Variants in LRP1B observed in about 807,000 individuals in gnomAD.
LRP1B encodes LDL receptor related protein 1B, also known as low-density lipoprotein receptor-related protein 1B.
LRP1B carries 217 observed loss-of-function variants against 556.6 expected under a neutral mutation model. The ratio of observed to expected loss-of-function variants is 0.39; its 90% confidence interval spans 0.35 to 0.44. LRP1B has a LOEUF of 0.44. LRP1B is among the 20% of genes least tolerant of loss of function. LRP1B has a pLI of 1.00. For missense variants in LRP1B, 5,053 were observed against 5,620.8 expected (o/e 0.90, Z 3.23); for synonymous variants, 2,047 against 1,865.8 (o/e 1.10, Z -2.50).
chr2:141,900,506 A>T (rs1453665531), intron 1 of LRP1B, among the ~76,000 whole-genome samples: 1 of 152,008 alleles, frequency 6.6e-6, no homozygotes, highest in African/African-American at 2.4e-5. Flanking sequence ...AAATACTAGT[A>T]ATAATATGGT....
chr2:140,298,012 A>T (rs1447695118), intron 83 of LRP1B, 43 bp from the exon 84 acceptor site: 1 of 1,523,118 alleles, frequency 6.6e-7, no homozygotes, highest in Admixed American at 1.9e-5. Flanking sequence ...TATTCAACCA[A>T]AATAGTTTAT....
At chr2:140,776,012 C>T in intron 33 of LRP1B, 86 bp downstream of exon 33, 2 of 1,133,706 alleles carry the variant, frequency 1.8e-6, no homozygotes, top group Non-Finnish European at 1.2e-6. Context: ...AGAATAGAAA[C>T]CTTTTATTGT....
At chr2:141,808,410 ACT>A (rs997790287) in intron 2 of LRP1B, among the ~76,000 whole-genome samples, 4 of 152,048 alleles carry the variant, frequency 2.6e-5, no homozygotes, top group African/African-American at 9.7e-5. Context: ...TCTAGATACC[ACT>A]TGAAAAGGAG....
At chr2:140,898,101 G>A (rs1422394770) in intron 23 of LRP1B, among the ~76,000 whole-genome samples, 1 of 152,146 alleles carries the variant, frequency 6.6e-6, no homozygotes, top group Non-Finnish European at 1.5e-5. Flanking sequence ...ATGCTGCCCA[G>A]AGAAGTTCAG....
chr2:140,629,780 G>A (rs1401238007), intron 41 of LRP1B, among the ~76,000 whole-genome samples: 1 of 152,168 alleles, frequency 6.6e-6, no homozygotes, highest in Non-Finnish European at 1.5e-5. Flanking sequence ...TCTGGAATGG[G>A]ATTGGCACTT....
intron 11 of LRP1B, among the ~76,000 whole-genome samples, chr2:141,024,877 C>A (rs1698174561): frequency 6.6e-6 from 1 of 151,970 alleles, no homozygotes; most frequent in East Asian, 1.9e-4. Flanking sequence ...GAGAAGAATT[C>A]TGAGTTTAGA....
At chr2:141,381,524 T>A (rs901241541) in intron 3 of LRP1B, among the ~76,000 whole-genome samples, 1 of 151,740 alleles carries the variant, frequency 6.6e-6, no homozygotes, top group African/African-American at 2.4e-5. Context: ...GGGAACAGAA[T>A]GAACATTCAG....
intron 41 of LRP1B, among the ~76,000 whole-genome samples, chr2:140,690,144 C>T (rs1326824597): frequency 1.3e-5 from 2 of 151,724 alleles, no homozygotes; most frequent in Non-Finnish European, 2.9e-5. Context: ...GAAAAAAAAA[C>T]CTTTATCACC....
intron 2 of LRP1B, among the ~76,000 whole-genome samples, chr2:141,746,698 G>T (rs1419423539): frequency 1.3e-5 from 2 of 151,866 alleles, no homozygotes; most frequent in African/African-American, 2.4e-5. Flanking sequence ...TGGTGTTCCT[G>T]TCCAGGGGCA....
At chr2:141,222,976 C>G (rs1251597951) in intron 6 of LRP1B, among the ~76,000 whole-genome samples, 2 of 152,100 alleles carry the variant, frequency 1.3e-5, no homozygotes, top group Non-Finnish European at 2.9e-5. Flanking sequence ...AAAACCAGCA[C>G]AAGACAAGGA....
chr2:141,260,535 G>A (rs570001772), intron 3 of LRP1B, among the ~76,000 whole-genome samples: 1 of 152,102 alleles, frequency 6.6e-6, no homozygotes, highest in South Asian at 2.1e-4. Context: ...TACCAATAGA[G>A]GTCTTTTTTC....
intron 6 of LRP1B, among the ~76,000 whole-genome samples, chr2:141,219,065 G>A: frequency 6.6e-6 from 1 of 152,190 alleles, no homozygotes; most frequent in East Asian, 1.9e-4. Context: ...TCTTTCTTCA[G>A]ATCTGTACAT....
rs191674856 is a variant in LRP1B, at chr2:140,496,022, G to A, written c.8851-274C>T. Among the ~76,000 whole-genome samples, 526 of 152,020 alleles carry A rather than the reference G, an allele frequency of 3.5e-3. 8 individuals are homozygous for A. Among genetic ancestry groups the A allele is most frequent in the African/African-American group, 0.012 (491 of 41,482 alleles). On this transcript the variant is annotated intron_variant, in intron 55 of 90. Transcript: ENST00000389484. The stretch of plus-strand genomic sequence containing the variant: ...AGGCCGTGTGGTTAGAGATTGGCAA[G>A]GCAAATAAAAAAAGAGTGAAACTTT...
intron 7 of LRP1B, among the ~76,000 whole-genome samples, chr2:141,146,019 A>T (rs1179370140): frequency 7.0e-6 from 1 of 142,868 alleles, no homozygotes; most frequent in South Asian, 2.2e-4. Flanking sequence ...TCACCTCCTA[A>T]GTTCAAGCGA....
chr2:141,753,263 CATAT>C (rs144027196), intron 2 of LRP1B, among the ~76,000 whole-genome samples: 1,218 of 62,518 alleles, frequency 0.019, 181 homozygotes, highest in Non-Finnish European at 0.033. Flanking sequence ...TCTCTCTCTC[CATAT>C]ATATATATAT....
intron 2 of LRP1B, among the ~76,000 whole-genome samples, chr2:141,694,035 C>A (rs1386065590): frequency 6.6e-6 from 1 of 152,014 alleles, no homozygotes; most frequent in Non-Finnish European, 1.5e-5. Flanking sequence ...AAGAGGGGAA[C>A]TTTGAGAATG....
At chr2:141,027,638 T>G (rs1218238554) in intron 11 of LRP1B, among the ~76,000 whole-genome samples, 1 of 152,176 alleles carries the variant, frequency 6.6e-6, no homozygotes, top group Non-Finnish European at 1.5e-5. Flanking sequence ...TTAATTTTTC[T>G]AGTTTTGATA....
intron 1 of LRP1B, among the ~76,000 whole-genome samples, chr2:141,837,364 G>A (rs1471990864): frequency 6.6e-6 from 1 of 151,802 alleles, no homozygotes; most frequent in Non-Finnish European, 1.5e-5. Context: ...TAATATATGG[G>A]TTTACACCAA....
intron 2 of LRP1B, among the ~76,000 whole-genome samples, chr2:141,772,435 A>C (rs1694929468): frequency 6.6e-6 from 1 of 152,156 alleles, no homozygotes; most frequent in South Asian, 2.1e-4. Context: ...GAGTATTCCC[A>C]AAGTGTGGCA....
Sources: gnomAD v4.1 joint callset for allele counts (sites outside exome capture counted in the v4.1 genomes callset) on GRCh38, gnomAD v4.1.1 for gene constraint, MANE v1.5 for transcripts, NCBI Gene and HGNC (gene_info 2026-07-23, HGNC 2026-07-21) for gene names.